UBE2M: variants seen among roughly 807,000 people sequenced by gnomAD.
UBE2M encodes the protein ubiquitin conjugating enzyme E2 M.
A neutral mutation model predicts 23.5 loss-of-function variants in UBE2M; 2 were observed. That is an observed-to-expected ratio of 0.09 (90% CI 0.03 to 0.27). UBE2M has a LOEUF of 0.27. Ranked by LOEUF, UBE2M falls within the 10% of genes least tolerant of loss-of-function variation. UBE2M has a pLI of 1.00. For missense variants in UBE2M, 103 were observed against 232.9 expected (o/e 0.44, Z 3.63); for synonymous variants, 97 against 95.2 (o/e 1.02, Z -0.11).
chr19:58,557,628 C>T (rs886950614), intron 1 of UBE2M, among the ~76,000 whole-genome samples: 2 of 151,286 alleles, frequency 1.3e-5, no homozygotes, highest in African/African-American at 4.9e-5. Flanking sequence ...TTCCATGTGA[C>T]CCCCACACTC....
In UBE2M at chr19:58,556,828, C is replaced by T; in HGVS notation, c.244-38G>A. On this transcript the variant is annotated intron_variant, in intron 3 of 5. Transcript: ENST00000253023. This position sits in a 1 kb window ranked among gnomAD's most constrained non-coding sequence, Gnocchi z 4.9. ...AAAGAAAAGAGAGATGGGTAGGTGCCTGGAAGGGCCTCAGCTGCTGCCTCC... is the reference window on the plus strand; with the variant it reads ...AAAGAAAAGAGAGATGGGTAGGTGCTTGGAAGGGCCTCAGCTGCTGCCTCC... The T allele has an allele frequency of 6.2e-7, 1 of 1,612,688 alleles. No homozygotes were observed. The highest frequency in any genetic ancestry group is 8.5e-7 in the Non-Finnish European group (1 of 1,179,336).
chr19:58,556,974 G>T lies in UBE2M; in HGVS notation c.205-44C>A, dbSNP rs759419195. 1.6e-5 allele frequency: 26 copies of T among 1,613,844 alleles called. No individual in the cohort carries two copies. Among genetic ancestry groups the T allele is most frequent in the African/African-American group, 4.0e-5 (3 of 74,894 alleles). On this transcript the variant is annotated intron_variant, in intron 2 of 5. Transcript: ENST00000253023. The surrounding 1 kb of genome is among the most constrained non-coding windows in gnomAD (Gnocchi z 4.9). ...GAAGAAAATTTTAGGGTTCCATCCT[G>T]TGGGGCCCGATGGGCAGAACATGTC...
At chr19:58,557,594 C>T (rs2053900547) in intron 1 of UBE2M, among the ~76,000 whole-genome samples, 2 of 151,826 alleles carry the variant, frequency 1.3e-5, no homozygotes, top group African/African-American at 4.8e-5. Context: ...TGTCCTTCCT[C>T]TTCTCTGTCT....
In UBE2M at chr19:58,558,175, C is replaced by T; in HGVS notation, c.109+98G>A. The T allele has an allele frequency of 9.3e-7, 1 of 1,077,786 alleles. No individual in the cohort carries two copies. Among genetic ancestry groups the T allele is most frequent in the South Asian group, 1.5e-5 (1 of 68,568 alleles). The allele number at this position is 1,077,786 out of a possible 1,614,324, so 66.8% of individuals were successfully genotyped here. A position where few individuals can be genotyped will look rare whatever the true frequency, so the allele number is the denominator to read the frequency against. Reference sequence around the variant, plus strand: ...ACGCTCGGGGCCCTTCACCTCTGACCCTCAGCAACCGCATTACCCCTTCCT... The same window carrying T: ...ACGCTCGGGGCCCTTCACCTCTGACTCTCAGCAACCGCATTACCCCTTCCT... On this transcript the variant is annotated intron_variant, in intron 1 of 5. Transcript: ENST00000253023. The surrounding 1 kb of genome is among the most constrained non-coding windows in gnomAD (Gnocchi z 4.7).
At position 58,556,000 on chromosome 19, in the gene UBE2M, C is replaced by T. The variant is rs2053887489; in HGVS notation, c.*89G>A. On this transcript the variant is annotated 3_prime_UTR_variant, in exon 6 of 6. Coordinates refer to ENST00000253023, the MANE Select transcript of UBE2M (RefSeq NM_003969.4). ...AGGCAGGGGATTCCCCCACCGGCCGCCCCCCAAACCCCTACCCATGGCCCC... is the reference window on the plus strand; with the variant it reads ...AGGCAGGGGATTCCCCCACCGGCCGTCCCCCAAACCCCTACCCATGGCCCC... 17 of 1,486,958 alleles carry T rather than the reference C, an allele frequency of 1.1e-5. No individual in the cohort carries two copies. The Admixed American group carries it at 2.5e-4, about 22-fold the overall frequency. 92.1% of individuals were successfully genotyped at this position (1,486,958 alleles called of 1,614,324 possible).
At position 58,555,923 on chromosome 19, in the gene UBE2M, T is replaced by TAA; in HGVS notation, c.*164_*165dup. 7.9e-5 allele frequency: 67 copies of TAA among 852,694 alleles called. No individual in the cohort carries two copies. Among genetic ancestry groups the TAA allele is most frequent in the Middle Eastern group, 3.7e-4 (1 of 2,716 alleles). The allele number at this position is 852,694 out of a possible 1,614,324, so 52.8% of individuals were successfully genotyped here. On this transcript the variant is annotated 3_prime_UTR_variant, in exon 6 of 6. Coordinates refer to ENST00000253023, the MANE Select transcript of UBE2M (RefSeq NM_003969.4). The stretch of plus-strand genomic sequence containing the variant: ...AGCGCCGACCTTAATCACATGGTGT[T>TAA]AAAAAAAAAAAAATAACTAGGGGCA...
Position 58,558,349 on chromosome 19 carries a change from C to T in UBE2M, c.33G>A (p.Lys11=). 6.3e-7 allele frequency: 1 copy of T among 1,591,612 alleles called. No homozygotes were observed. Among genetic ancestry groups the T allele is most frequent in the Non-Finnish European group, 8.5e-7 (1 of 1,171,238 alleles). Residue 11 remains lysine (K), a synonymous_variant, in exon 1 of 6, where the codon AAG becomes AAA. Coordinates refer to ENST00000253023, the MANE Select transcript of UBE2M (RefSeq NM_003969.4). The surrounding 1 kb of genome is among the most constrained non-coding windows in gnomAD (Gnocchi z 4.7). ...TGCCGCCCGCCGACTCCTCCTCCTT[C>T]TTCTGCTGCTTCAGCGAGAACAGCT... MIKLFSLKQQ[K]KEEESAGGTK... is the part of the protein sequence containing the mutation.
rs1486743363 is a variant in UBE2M at position 58,558,520 on chromosome 19, C to CT, written c.-140dup. ...CCGCTGCTGCCGCCACCCGCCCGGC[C>CT]TGCCGCGCCGCTCCGCTCCTCTCCG... On this transcript the variant is annotated 5_prime_UTR_variant, in exon 1 of 6. Transcript: ENST00000253023. The surrounding 1 kb of genome is among the most constrained non-coding windows in gnomAD (Gnocchi z 4.7). The CT allele has an allele frequency of 3.8e-6, 1 of 263,384 alleles. No homozygotes were observed. Among genetic ancestry groups the CT allele is most frequent in the Non-Finnish European group, 5.9e-6 (1 of 170,000 alleles). 16.3% of individuals were successfully genotyped at this position (263,384 alleles called of 1,614,324 possible).
chr19:58,556,387 C>T lies in UBE2M; in HGVS notation c.348-8G>A. 1 of 1,613,502 alleles carries T rather than the reference C, an allele frequency of 6.2e-7. No individual in the cohort carries two copies. Among genetic ancestry groups the T allele is most frequent in the Non-Finnish European group, 8.5e-7 (1 of 1,179,974 alleles). On this transcript the variant is annotated splice_region_variant and splice_polypyrimidine_tract_variant and intron_variant, in intron 4 of 5. Transcript: ENST00000253023. This position sits in a 1 kb window ranked among gnomAD's most constrained non-coding sequence, Gnocchi z 4.9. ...ACTGGCTTCCAGTCCTCTCTGTGGA[C>T]AGAGAGCATCAGGGTCAGGGCTTGG... is the stretch of plus-strand genomic sequence containing the variant.
At position 58,556,577 on chromosome 19, in the gene UBE2M, C is replaced by T. The variant is rs1203059920; in HGVS notation, c.347+110G>A. ...AGATGACTGGGAAATCAAGAAACCA[C>T]AGACAACAAAGGGGTGGGAAGGGAC... is the stretch of plus-strand genomic sequence containing the variant. On this transcript the variant is annotated intron_variant, in intron 4 of 5. Coordinates refer to ENST00000253023, the MANE Select transcript of UBE2M (RefSeq NM_003969.4). This position sits in a 1 kb window ranked among gnomAD's most constrained non-coding sequence, Gnocchi z 4.9. The T allele has an allele frequency of 8.5e-6, 10 of 1,169,784 alleles. No individual in the cohort carries two copies. The highest frequency in any genetic ancestry group is 1.2e-5 in the Non-Finnish European group (10 of 833,862). The allele number at this position is 1,169,784 out of a possible 1,614,324, so 72.5% of individuals were successfully genotyped here. A position where few individuals can be genotyped will look rare whatever the true frequency, so the allele number is the denominator to read the frequency against.
At chr19:58,557,242 G>A (rs1317904357) in intron 1 of UBE2M, 85 bp from the exon 2 acceptor site, 1 of 1,403,252 alleles carries the variant, frequency 7.1e-7, no homozygotes, top group Non-Finnish European at 1.0e-6. Flanking sequence ...CTTAGGGCGG[G>A]TGTTTGTTAG....
intron 1 of UBE2M, among the ~76,000 whole-genome samples, chr19:58,557,471 C>T (rs2053899455): frequency 6.6e-6 from 1 of 151,962 alleles, no homozygotes; most frequent in Non-Finnish European, 1.5e-5. Flanking sequence ...TCCCAAACAT[C>T]CTCTGACCGC....
At position 58,556,524 on chromosome 19, in the gene UBE2M, G is replaced by A; in HGVS notation, c.348-145C>T. 1 of 1,082,816 alleles carries A rather than the reference G, an allele frequency of 9.2e-7. No homozygotes were observed. The highest frequency in any genetic ancestry group is 1.5e-5 in the South Asian group (1 of 65,194). 67.1% of individuals were successfully genotyped at this position (1,082,816 alleles called of 1,614,324 possible). A position where few individuals can be genotyped will look rare whatever the true frequency, so the allele number is the denominator to read the frequency against. On this transcript the variant is annotated intron_variant, in intron 4 of 5. Coordinates refer to ENST00000253023, the MANE Select transcript of UBE2M (RefSeq NM_003969.4). The surrounding 1 kb of genome is among the most constrained non-coding windows in gnomAD (Gnocchi z 4.9). ...GAGGGTGTGGAGCAGGACAGGCCAA[G>A]GAGAAAACCAAGGTCAGGCCATGAG...
intron 1 of UBE2M, among the ~76,000 whole-genome samples, chr19:58,557,863 C>T (rs2053902623): frequency 1.3e-5 from 2 of 151,812 alleles, no homozygotes; most frequent in South Asian, 4.2e-4. Flanking sequence ...TCCCAGAGAC[C>T]CCAGCATAAT....
chr19:58,556,242 C>T lies in UBE2M; in HGVS notation c.412-13G>A, dbSNP rs752846700. The T allele has an allele frequency of 3.1e-6, 5 of 1,613,976 alleles. No homozygotes were observed. The highest frequency in any genetic ancestry group is 1.3e-5 in the African/African-American group (1 of 75,020). Reference sequence around the variant, plus strand: ...CGGGGTTGGGCTCCTGTGGCCAGTACAGGTAGGGGGGGTCAACAGGCCAGA... The same window carrying T: ...CGGGGTTGGGCTCCTGTGGCCAGTATAGGTAGGGGGGGTCAACAGGCCAGA... On this transcript the variant is annotated splice_polypyrimidine_tract_variant and intron_variant, in intron 5 of 5. Coordinates refer to ENST00000253023, the MANE Select transcript of UBE2M (RefSeq NM_003969.4). The surrounding 1 kb of genome is among the most constrained non-coding windows in gnomAD (Gnocchi z 4.9).
chr19:58,556,307 C>A lies in UBE2M; in HGVS notation c.411+9G>T. 6.2e-7 allele frequency: 1 copy of A among 1,614,130 alleles called. No individual in the cohort carries two copies. Among genetic ancestry groups the A allele is most frequent in the Non-Finnish European group, 8.5e-7 (1 of 1,180,020 alleles). The stretch of plus-strand genomic sequence containing the variant: ...ATCTCCCCAGACCCAACCACCTATT[C>A]CTACTCACCAAGAAGAGATACTGCA... On this transcript the variant is annotated intron_variant, in intron 5 of 5. Transcript: ENST00000253023. The surrounding 1 kb of genome is among the most constrained non-coding windows in gnomAD (Gnocchi z 4.9).
chr19:58,555,930 A>T lies in UBE2M; in HGVS notation c.*159T>A, dbSNP rs1015928130. ...ACCTTAATCACATGGTGTTAAAAAA[A>T]AAAAAATAACTAGGGGCACGTGGCA... On this transcript the variant is annotated 3_prime_UTR_variant, in exon 6 of 6. Coordinates refer to ENST00000253023, the MANE Select transcript of UBE2M (RefSeq NM_003969.4). The T allele has an allele frequency of 8.4e-6, 9 of 1,072,750 alleles. No individual in the cohort carries two copies. Among genetic ancestry groups the T allele is most frequent in the African/African-American group, 1.6e-5 (1 of 62,386 alleles). 66.5% of individuals were successfully genotyped at this position (1,072,750 alleles called of 1,614,324 possible).
intron 1 of UBE2M, 75 bp from the exon 2 acceptor site, chr19:58,557,232 C>G: frequency 6.8e-7 from 1 of 1,467,896 alleles, no homozygotes; most frequent in South Asian, 1.1e-5. Flanking sequence ...CAGCAGGACA[C>G]TTAGGGCGGG....
At chr19:58,557,860 G>T (rs756717003) in intron 1 of UBE2M, among the ~76,000 whole-genome samples, 1 of 151,482 alleles carries the variant, frequency 6.6e-6, no homozygotes, top group African/African-American at 2.4e-5. Context: ...GATTCCCAGA[G>T]ACCCCAGCAT....
Sources: allele counts gnomAD v4.1 joint callset (sites outside exome capture counted in the v4.1 genomes callset), GRCh38; gene constraint gnomAD v4.1.1; non-coding constraint Gnocchi (gnomAD v3.1); transcripts MANE v1.5; gene names NCBI Gene and HGNC (gene_info 2026-07-23, HGNC 2026-07-21).